The following LINGO2 variants were observed in gnomAD, a reference collection of about 807,000 sequenced individuals.
LINGO2 encodes leucine rich repeat and Ig domain containing 2.
Under a neutral mutation model 30.6 loss-of-function variants are expected in LINGO2, and 14 were observed. The observed-to-expected ratio is 0.46, with a 90% CI of 0.30 to 0.72. The LOEUF (loss-of-function observed/expected upper bound fraction) is 0.72, where lower values mean the gene tolerates loss of function less well. LINGO2 is among the 30% of genes least tolerant of loss of function. The probability of loss-of-function intolerance (pLI) is 0.07; values close to 1 mark genes in which losing one functional copy is unlikely to be tolerated. For missense variants in LINGO2, 729 were observed against 751.7 expected (o/e 0.97, Z 0.35); for synonymous variants, 317 against 288.5 (o/e 1.10, Z -1.00).
At chr9:28,774,652 C>T in the LINGO2 span, among the ~76,000 whole-genome samples, 2 of 151,822 alleles carry the variant, frequency 1.3e-5, no homozygotes, top group African/African-American at 2.4e-5. Flanking sequence ...AACCAGATTA[C>T]AGATACAGTG....
intron 3 of LINGO2, among the ~76,000 whole-genome samples, chr9:28,335,100 T>C (rs1825548243): frequency 6.6e-6 from 1 of 152,188 alleles, no homozygotes; most frequent in Admixed American, 6.5e-5. Context: ...ATTCCTTCTC[T>C]TCCTCTAGTT....
At chr9:28,416,562 A>G (rs1483189578) in intron 2 of LINGO2, among the ~76,000 whole-genome samples, 1 of 152,204 alleles carries the variant, frequency 6.6e-6, no homozygotes, top group Non-Finnish European at 1.5e-5. Context: ...TCAAGATTAC[A>G]AAGTGTTCCA....
the LINGO2 span, among the ~76,000 whole-genome samples, chr9:29,181,142 T>C: frequency 2.0e-5 from 3 of 152,318 alleles, no homozygotes; most frequent in East Asian, 5.8e-4. Flanking sequence ...GTTTGGGAAT[T>C]ACAAAGAGTG....
downstream of LINGO2, among the ~76,000 whole-genome samples, chr9:27,945,348 G>C (rs72722826): frequency 0.028 from 4,245 of 152,158 alleles, 70 homozygotes; most frequent in Middle Eastern, 0.037. Context: ...ACAGAAGACT[G>C]CAACTTCTGG....
chr9:28,358,865 A>C (rs565575507), intron 3 of LINGO2, among the ~76,000 whole-genome samples: 11 of 152,252 alleles, frequency 7.2e-5, no homozygotes, highest in Admixed American at 2.0e-4. Flanking sequence ...ATTCATTCAA[A>C]AAAATAGGTT....
At chr9:28,212,285 CATT>C (rs1820618989) in intron 4 of LINGO2, among the ~76,000 whole-genome samples, 3 of 151,290 alleles carry the variant, frequency 2.0e-5, no homozygotes, top group African/African-American at 7.3e-5. Flanking sequence ...TACATAATCT[CATT>C]AGTTTCATTT....
the LINGO2 span, among the ~76,000 whole-genome samples, chr9:28,751,421 T>C: frequency 6.6e-6 from 1 of 151,898 alleles, no homozygotes; most frequent in African/African-American, 2.4e-5. Flanking sequence ...TAGGTTTGCA[T>C]TGAAACTACA....
chr9:28,419,804 A>G (rs994683706), intron 2 of LINGO2, among the ~76,000 whole-genome samples: 4 of 121,206 alleles, frequency 3.3e-5, no homozygotes, highest in African/African-American at 1.1e-4. Flanking sequence ...AAAGTTATGT[A>G]TAATTTTATC....
chr9:28,403,144 C>T (rs1425820328), intron 2 of LINGO2, among the ~76,000 whole-genome samples: 1 of 152,072 alleles, frequency 6.6e-6, no homozygotes, highest in Non-Finnish European at 1.5e-5. Flanking sequence ...TGAATATTTC[C>T]CCTCTGCTGC....
the LINGO2 span, among the ~76,000 whole-genome samples, chr9:29,127,800 A>G: frequency 1.3e-5 from 2 of 152,106 alleles, no homozygotes; most frequent in African/African-American, 4.8e-5. Context: ...CCTGATCCCT[A>G]CATGTGATGC....
intron 4 of LINGO2, among the ~76,000 whole-genome samples, chr9:28,119,566 C>G (rs1367896373): frequency 6.6e-6 from 1 of 152,152 alleles, no homozygotes; most frequent in Non-Finnish European, 1.5e-5. Context: ...GTGTGGCTGG[C>G]ACAAAGTAAA....
chr9:28,908,540 T>G, the LINGO2 span, among the ~76,000 whole-genome samples: 1 of 151,906 alleles, frequency 6.6e-6, no homozygotes, highest in Non-Finnish European at 1.5e-5. Flanking sequence ...GTAAAAATAA[T>G]TCACAGAAAG....
intron 1 of LINGO2, among the ~76,000 whole-genome samples, chr9:28,643,132 T>C (rs1042184304): frequency 6.6e-6 from 1 of 152,080 alleles, no homozygotes; most frequent in Non-Finnish European, 1.5e-5. Flanking sequence ...TCTACAGATT[T>C]AATGTAATTT....
intron 4 of LINGO2, among the ~76,000 whole-genome samples, chr9:28,179,999 T>C (rs1828867795): frequency 1.3e-5 from 2 of 152,112 alleles, no homozygotes; most frequent in African/African-American, 4.8e-5. Flanking sequence ...AGGTAACCAC[T>C]GCCTCAAAAG....
chr9:28,942,463 C>A, the LINGO2 span, among the ~76,000 whole-genome samples: 2 of 152,172 alleles, frequency 1.3e-5, no homozygotes, highest in African/African-American at 4.8e-5. Context: ...GAATGGCTGA[C>A]TGCATGGGCC....
At chr9:28,730,445 A>G in the LINGO2 span, among the ~76,000 whole-genome samples, 1 of 152,332 alleles carries the variant, frequency 6.6e-6, no homozygotes, top group Non-Finnish European at 1.5e-5. Context: ...CCTGATCAAA[A>G]TTTAAAACTG....
chr9:28,096,602 C>A (rs867410301), intron 4 of LINGO2, among the ~76,000 whole-genome samples: 16 of 151,440 alleles, frequency 1.1e-4, no homozygotes, highest in Admixed American at 6.6e-5. Context: ...GACTACCATA[C>A]TCAATCAGTC....
chr9:29,168,010 C>T, the LINGO2 span, among the ~76,000 whole-genome samples: 1 of 151,670 alleles, frequency 6.6e-6, no homozygotes, highest in African/African-American at 2.4e-5. Context: ...ATCTATATAT[C>T]GAAATCCACT....
intron 4 of LINGO2, among the ~76,000 whole-genome samples, chr9:28,123,431 C>T (rs1488782588): frequency 1.3e-5 from 2 of 152,108 alleles, no homozygotes; most frequent in East Asian, 3.9e-4. Context: ...CCTTTTCTCT[C>T]AGTTGTAAGT....
Sources: allele counts gnomAD v4.1 joint callset (sites outside exome capture counted in the v4.1 genomes callset), GRCh38; gene constraint gnomAD v4.1.1; transcripts MANE v1.5; gene names NCBI Gene and HGNC (gene_info 2026-07-23, HGNC 2026-07-21).